MTMR9: variants seen among roughly 807,000 people sequenced by gnomAD.
MTMR9 encodes the protein myotubularin-related protein 9.
In MTMR9, 39 loss-of-function variants were observed where a neutral mutation model predicts 69.5. That is an observed-to-expected ratio of 0.56 (90% CI 0.43 to 0.73). MTMR9 has a LOEUF of 0.73. Among genes scored for constraint, MTMR9 ranks in the 30% least tolerant of loss-of-function variants. MTMR9 has a pLI of 0.00. For synonymous variants in MTMR9, 354 were observed against 240.8 expected (o/e 1.47, Z -4.35); for missense variants, 900 against 671.2 (o/e 1.34, Z -3.77).
chr8:11,290,307 G>A (rs928318931), intron 1 of MTMR9, among the ~76,000 whole-genome samples: 3 of 151,656 alleles, frequency 2.0e-5, no homozygotes, highest in Non-Finnish European at 4.4e-5. Flanking sequence ...TAAACATTGG[G>A]TTTATTGTCC....
chr8:11,330,120 G>A (rs577543987), downstream of MTMR9, among the ~76,000 whole-genome samples: 1,159 of 149,876 alleles, frequency 7.7e-3, 9 homozygotes, highest in African/African-American at 0.011. Context: ...GTCAGCCCCC[G>A]CCCGGCCAGC....
At chr8:11,296,110 T>C (rs1240019248) in intron 2 of MTMR9, among the ~76,000 whole-genome samples, 1 of 151,888 alleles carries the variant, frequency 6.6e-6, no homozygotes, top group Non-Finnish European at 1.5e-5. Flanking sequence ...CATATATATA[T>C]ACACATTATT....
At position 11,299,289 on chromosome 8, in the gene MTMR9, C is replaced by G. The variant is rs566137598; in HGVS notation, c.292-734C>G. 3.3e-5 allele frequency among the ~76,000 whole-genome samples: 5 copies of G among 152,292 alleles called. No homozygotes were observed. The East Asian group carries it at 9.7e-4, about 29-fold the overall frequency. On this transcript the variant is annotated intron_variant, in intron 2 of 9. Transcript: ENST00000221086. ...AGGCTGCAGTGAGCCGAGATCGCGC[C>G]ATTCTAGCCTGGGTGACAAGAGCAA... is the stretch of plus-strand genomic sequence containing the variant.
intron 2 of MTMR9, 30 bp downstream of exon 2, chr8:11,295,332 A>AACAT: frequency 8.2e-7 from 1 of 1,221,062 alleles, no homozygotes; most frequent in Non-Finnish European, 1.2e-6. Flanking sequence ...AATCTAATGA[A>AACAT]ACATAATTTT....
In MTMR9 at chr8:11,284,961, G is replaced by C; in HGVS notation, c.73G>C (p.Val25Leu). ...GCTGCACCGGCCTTTCTACCCGGCT[G>C]TCGAGGGCACCCTGTGCCTGACGGG... ...VVLHRPFYPA[V>L]EGTLCLTGHH... The change falls in exon 1 of 10, where the codon GTC (valine) becomes CTC (leucine). Residue 25 changes from valine to leucine, a missense_variant. Transcript: ENST00000221086. The C allele has an allele frequency of 6.2e-7, 1 of 1,613,978 alleles. No homozygotes were observed. Among genetic ancestry groups the C allele is most frequent in the Non-Finnish European group, 8.5e-7 (1 of 1,179,962 alleles).
downstream of MTMR9, chr8:11,332,013 G>A: frequency 6.2e-7 from 1 of 1,611,898 alleles, no homozygotes; most frequent in Non-Finnish European, 8.5e-7. Flanking sequence ...TATGCTCCAT[G>A]AGACTGTGGC....
chr8:11,300,279 T>A, intron 3 of MTMR9, 131 bp downstream of exon 3: 1 of 1,001,540 alleles, frequency 1.0e-6, no homozygotes, highest in Non-Finnish European at 1.5e-6. Context: ...TTAATATATT[T>A]AAAAGGATTG....
rs1292182754 is a variant in MTMR9 at position 11,327,593 on chromosome 8, G to A, written c.*4805G>A. 1 of 152,620 alleles carries A rather than the reference G, an allele frequency of 6.6e-6. No homozygotes were observed. Among genetic ancestry groups the A allele is most frequent in the Admixed American group, 6.5e-5 (1 of 15,282 alleles). 9.5% of individuals were successfully genotyped at this position (152,620 alleles called of 1,614,324 possible). A position where few individuals can be genotyped will look rare whatever the true frequency, so the allele number is the denominator to read the frequency against. On this transcript the variant is annotated 3_prime_UTR_variant, in exon 10 of 10. Coordinates refer to ENST00000221086, the MANE Select transcript of MTMR9 (RefSeq NM_015458.4). ...TACACAAAAAAATGTTGTAGTTGCAGAACTTAGTTTATAAAAACAAAGAAT... is the reference window on the plus strand; with the variant it reads ...TACACAAAAAAATGTTGTAGTTGCAAAACTTAGTTTATAAAAACAAAGAAT...
intron 2 of MTMR9, chr8:11,298,058 A>G (rs1799620247): frequency 1.5e-5 from 6 of 391,668 alleles, no homozygotes; most frequent in South Asian, 5.6e-5. Context: ...TCCCATTGGA[A>G]GAATAGCTGG....
At chr8:11,329,625 G>C (rs1169059556), downstream of MTMR9, among the ~76,000 whole-genome samples, 1 of 152,256 alleles carries the variant, frequency 6.6e-6, no homozygotes, top group Non-Finnish European at 1.5e-5. Flanking sequence ...GCTCAATGTT[G>C]CCCAGGCTGG....
rs1306453635 is a variant in MTMR9 at position 11,326,814 on chromosome 8, C to CA, written c.*4032dup. On this transcript the variant is annotated 3_prime_UTR_variant, in exon 10 of 10. Coordinates refer to ENST00000221086, the MANE Select transcript of MTMR9 (RefSeq NM_015458.4). The stretch of plus-strand genomic sequence containing the variant: ...TGAAAACCCATGTCTACTAAAAATA[C>CA]AAAAAATTAGCCAGGTGTGGTGGCG... 2 of 152,064 alleles carry CA rather than the reference C, an allele frequency of 1.3e-5. No homozygotes were observed. The highest frequency in any genetic ancestry group is 4.8e-5 in the African/African-American group (2 of 41,366). The allele number at this position is 152,064 out of a possible 1,614,324, so 9.4% of individuals were successfully genotyped here.
intron 1 of MTMR9, 57 bp downstream of exon 1, chr8:11,285,127 C>A: frequency 2.1e-6 from 3 of 1,446,526 alleles, no homozygotes; most frequent in Non-Finnish European, 2.8e-6. Context: ...TGTGGGCGCC[C>A]CGGGAAATAC....
intron 6 of MTMR9, among the ~76,000 whole-genome samples, chr8:11,311,766 A>C (rs1000963850): frequency 6.6e-6 from 1 of 152,142 alleles, no homozygotes; most frequent in African/African-American, 2.4e-5. Context: ...ATTTCTCTGT[A>C]GCATGTGATA....
At chr8:11,285,152 C>T (rs1799101485) in intron 1 of MTMR9, 82 bp downstream of exon 1, 3 of 1,369,782 alleles carry the variant, frequency 2.2e-6, no homozygotes, top group Non-Finnish European at 2.9e-6. Flanking sequence ...TGGCGTTTTC[C>T]GCGCAGCCTG....
At chr8:11,337,842 T>A in the MTMR9 span, among the ~76,000 whole-genome samples, 1 of 152,262 alleles carries the variant, frequency 6.6e-6, no homozygotes, top group Non-Finnish European at 1.5e-5. Flanking sequence ...GTCTTCTTGA[T>A]GTCACTCTTG....
At chr8:11,329,762 C>T (rs1423740336), downstream of MTMR9, among the ~76,000 whole-genome samples, 48 of 152,028 alleles carry the variant, frequency 3.2e-4, 2 homozygotes, top group South Asian at 5.2e-3. Flanking sequence ...GGAGCGTCTC[C>T]GCCTGGCCAC....
chr8:11,303,701 T>G (rs138962412), intron 3 of MTMR9, among the ~76,000 whole-genome samples: 1 of 152,040 alleles, frequency 6.6e-6, no homozygotes, highest in African/African-American at 2.4e-5. Flanking sequence ...GCCTGGCTAA[T>G]TTTTGCATTT....
chr8:11,331,097 C>T (rs750787103), downstream of MTMR9: 3 of 1,583,048 alleles, frequency 1.9e-6, no homozygotes, highest in Middle Eastern at 1.8e-4. Flanking sequence ...AGGAGAAAGT[C>T]CAAGGAAAGA....
rs1333698158 is a variant in MTMR9 at position 11,326,350 on chromosome 8, C to G, written c.*3562C>G. The stretch of plus-strand genomic sequence containing the variant: ...ACAACACAAGCGTTTTATGAGCACT[C>G]TTTATCAGAAAGGTATTTCCTGGAC... On this transcript the variant is annotated 3_prime_UTR_variant, in exon 10 of 10. Transcript: ENST00000221086. 1 of 152,188 alleles carries G rather than the reference C, an allele frequency of 6.6e-6. No individual in the cohort carries two copies. Among genetic ancestry groups the G allele is most frequent in the Non-Finnish European group, 1.5e-5 (1 of 68,040 alleles). 9.4% of individuals were successfully genotyped at this position (152,188 alleles called of 1,614,324 possible).
Sources: allele counts gnomAD v4.1 joint callset (sites outside exome capture counted in the v4.1 genomes callset), GRCh38; gene constraint gnomAD v4.1.1; transcripts MANE v1.5; gene names NCBI Gene and HGNC (gene_info 2026-07-23, HGNC 2026-07-21).